The following PCDHA11 variants were observed in gnomAD, a reference collection of about 807,000 sequenced individuals.
The protein encoded by PCDHA11 is protocadherin alpha-11.
A neutral mutation model predicts 70.3 loss-of-function variants in PCDHA11; 61 were observed. The ratio of observed to expected loss-of-function variants is 0.87; its 90% confidence interval spans 0.71 to 1.07. The LOEUF (loss-of-function observed/expected upper bound fraction) is 1.07. Among genes scored for constraint, PCDHA11 ranks in the 50% least tolerant of loss-of-function variants. The pLI is 0.00. For missense variants in PCDHA11, 1,324 were observed against 1,237.5 expected, an observed-to-expected ratio of 1.07 and a Z score of -1.05; for synonymous variants, 633 against 555.1, an observed-to-expected ratio of 1.14 and a Z score of -1.97.
At chr5:140,882,717 C>T (rs1311295002) in intron 1 of PCDHA11, 1 of 1,614,102 alleles carries the variant, frequency 6.2e-7, no homozygotes, top group Non-Finnish European at 8.5e-7. Context: ...CCTCCGGAAA[C>T]TCGATTTCCA....
At chr5:140,878,352 A>T (rs2057558583) in intron 1 of PCDHA11, among the ~76,000 whole-genome samples, 1 of 152,242 alleles carries the variant, frequency 6.6e-6, no homozygotes, top group African/African-American at 2.4e-5. Flanking sequence ...CAATAATATA[A>T]ATGATATGTC....
In PCDHA11 at chr5:140,975,255, C is replaced by A. The variant is rs530385456; in HGVS notation, c.2392-3694C>A. On this transcript the variant is annotated intron_variant, in intron 1 of 3. Transcript: ENST00000398640. ...ATGGAATCCCTCTTATGCTTCAGAT[C>A]TCTCTGATTTCTGTCTCTGACCTCT... Among the ~76,000 whole-genome samples, 6 of 152,334 alleles carry A rather than the reference C, an allele frequency of 3.9e-5. No individual in the cohort carries two copies. In the South Asian group the frequency reaches 1.2e-3, roughly 32 times the overall value.
chr5:140,927,098 A>G (rs1554204018), intron 1 of PCDHA11: 4 of 1,613,286 alleles, frequency 2.5e-6, no homozygotes, highest in Non-Finnish European at 3.4e-6. Flanking sequence ...TTCGGGGTGG[A>G]TCTACCCAGC....
At chr5:140,898,543 A>G (rs1284006764) in intron 1 of PCDHA11, among the ~76,000 whole-genome samples, 2 of 152,224 alleles carry the variant, frequency 1.3e-5, no homozygotes, top group East Asian at 3.9e-4. Flanking sequence ...TGTTCCATTT[A>G]TCTATGTCTC....
chr5:140,981,864 T>C (rs1554243477), intron 2 of PCDHA11, among the ~76,000 whole-genome samples: 3 of 152,294 alleles, frequency 2.0e-5, no homozygotes, highest in African/African-American at 7.2e-5. Context: ...CCCAGCAATG[T>C]TTTATGCTGA....
chr5:140,876,181 G>T, intron 1 of PCDHA11: 1 of 1,613,982 alleles, frequency 6.2e-7, no homozygotes, highest in South Asian at 1.1e-5. Context: ...GGATGTGAAT[G>T]ACAATGGTCC....
chr5:140,927,918 CCTGA>C, intron 1 of PCDHA11: 1 of 1,614,220 alleles, frequency 6.2e-7, no homozygotes, highest in Non-Finnish European at 8.5e-7. Context: ...AACTGGACTT[CCTGA>C]CTCTTTCGAA....
In PCDHA11 at chr5:140,967,289, C is replaced by A. The variant is rs782440125; in HGVS notation, c.2392-11660C>A. ...CTTTCACATAGAGAGTGCGCAGGAC[C>A]CCGACGTGGGCGCCAACTCAGTACA... On this transcript the variant is annotated intron_variant, in intron 1 of 3. Transcript: ENST00000398640. 3 of 1,612,910 alleles carry A rather than the reference C, an allele frequency of 1.9e-6. No homozygotes were observed. The East Asian group carries it at 6.7e-5, about 36-fold the overall frequency.
intron 3 of PCDHA11, among the ~76,000 whole-genome samples, chr5:140,996,923 A>G (rs1385919756): frequency 6.6e-6 from 1 of 152,230 alleles, no homozygotes; most frequent in Non-Finnish European, 1.5e-5. Flanking sequence ...ATATTAAAAA[A>G]TATAGCATTT....
rs782096178 is a variant in PCDHA11 at position 140,876,689 on chromosome 5, CGTT to C, written c.2391+5197_2391+5199del. The C allele has an allele frequency of 6.2e-6, 10 of 1,614,110 alleles. No homozygotes were observed. The East Asian group carries it at 1.6e-4, about 25-fold the overall frequency. On this transcript the variant is annotated intron_variant, in intron 1 of 3. Coordinates refer to ENST00000398640, the MANE Select transcript of PCDHA11 (RefSeq NM_018902.5). ...GTGTCCACCTACAAGAATTACTACT[CGTT>C]GGTGCTGGACAGCGCCCTGGACCGC...
chr5:140,874,124 TTTAAG>T (rs373641315), intron 1 of PCDHA11, among the ~76,000 whole-genome samples: 322 of 152,384 alleles, frequency 2.1e-3, no homozygotes, highest in African/African-American at 7.5e-3. Context: ...TTATAGTTTA[TTTAAG>T]TTATCTTATA....
chr5:140,941,316 T>C (rs1479003076), intron 1 of PCDHA11, among the ~76,000 whole-genome samples: 1 of 135,480 alleles, frequency 7.4e-6, no homozygotes, highest in African/African-American at 2.7e-5. Flanking sequence ...TTTTCTTCTT[T>C]CTCTTTTTTT....
At chr5:140,883,844 G>T (rs1404353270) in intron 1 of PCDHA11, 10 of 1,612,718 alleles carry the variant, frequency 6.2e-6, no homozygotes, top group South Asian at 1.1e-5. Flanking sequence ...GTTGGACCAC[G>T]AGGAGCTGGA....
At chr5:140,962,932 TC>T (rs1188109186) in intron 1 of PCDHA11, among the ~76,000 whole-genome samples, 20 of 152,266 alleles carry the variant, frequency 1.3e-4, no homozygotes, top group African/African-American at 4.3e-4. Flanking sequence ...CTTCTCAACC[TC>T]CTCTCCATAA....
At chr5:140,926,296 G>A in intron 1 of PCDHA11, 1 of 152,316 alleles carries the variant, frequency 6.6e-6, no homozygotes, top group Non-Finnish European at 1.5e-5. Context: ...GCTGAGTCCC[G>A]CCCTCTCCGC....
Position 141,011,434 on chromosome 5 carries a change from C to T in PCDHA11, c.*1497C>T, listed in dbSNP as rs934032017. The T allele has an allele frequency of 6.5e-6, 1 of 153,726 alleles. No homozygotes were observed. Among genetic ancestry groups the T allele is most frequent in the Non-Finnish European group, 1.5e-5 (1 of 68,038 alleles). 9.5% of individuals were successfully genotyped at this position (153,726 alleles called of 1,614,324 possible). ...ATGTGAATGTTAATGCAACTATTAC[C>T]TAGAGTGAACTTTAAGCTTTATTGT... On this transcript the variant is annotated 3_prime_UTR_variant, in exon 4 of 4. Coordinates refer to ENST00000398640, the MANE Select transcript of PCDHA11 (RefSeq NM_018902.5).
At chr5:140,997,129 C>T (rs983112049) in intron 3 of PCDHA11, among the ~76,000 whole-genome samples, 1 of 152,094 alleles carries the variant, frequency 6.6e-6, no homozygotes, top group Non-Finnish European at 1.5e-5. Flanking sequence ...ATACACAATG[C>T]CCCCACACCC....
chr5:140,882,335 GCCTGGGAGACGGGTAGTGGCCAGCT>G (rs1554173599), intron 1 of PCDHA11: 11 of 1,614,078 alleles, frequency 6.8e-6, no homozygotes, highest in Non-Finnish European at 9.3e-6. Flanking sequence ...GATCCTCGCA[GCCTGGGAGACGGGTAGTGGCCAGCT>G]CCACTACTCC....
At chr5:140,978,397 C>G (rs2096799745) in intron 1 of PCDHA11, among the ~76,000 whole-genome samples, 1 of 152,080 alleles carries the variant, frequency 6.6e-6, no homozygotes, top group Non-Finnish European at 1.5e-5. Flanking sequence ...CCCTAGTATC[C>G]CTCTTCAATC....
Sources: allele counts gnomAD v4.1 joint callset (sites outside exome capture counted in the v4.1 genomes callset), GRCh38; gene constraint gnomAD v4.1.1; transcripts MANE v1.5; gene names NCBI Gene and HGNC (gene_info 2026-07-23, HGNC 2026-07-21).